GPHN: variants seen among roughly 807,000 people sequenced by gnomAD.
GPHN encodes the protein gephyrin.
A neutral mutation model predicts 95.5 loss-of-function variants in GPHN; 17 were observed. The observed-to-expected ratio is 0.18, with a 90% confidence interval of 0.12 to 0.27. GPHN has a LOEUF of 0.27. Among genes scored for constraint, GPHN ranks in the 10% least tolerant of loss-of-function variants. The pLI, the probability that GPHN is intolerant of heterozygous loss-of-function variation, is 1.00. For missense variants in GPHN, 660 were observed against 978.1 expected, an observed-to-expected ratio of 0.67 and a Z score of 4.34; for synonymous variants, 320 against 322.5, an observed-to-expected ratio of 0.99 and a Z score of 0.08.
At chr14:67,608,884 T>C in the GPHN span, among the ~76,000 whole-genome samples, 4 of 152,186 alleles carry the variant, frequency 2.6e-5, no homozygotes, top group African/African-American at 9.7e-5. Flanking sequence ...AGTTTGATTC[T>C]CCTGTTGTTT....
intron 2 of GPHN, among the ~76,000 whole-genome samples, chr14:66,773,324 A>G (rs2059251159): frequency 6.6e-6 from 1 of 151,320 alleles, no homozygotes; most frequent in African/African-American, 2.4e-5. Flanking sequence ...TTTCTAACAA[A>G]TCTTAGGAAT....
the GPHN span, among the ~76,000 whole-genome samples, chr14:67,372,690 T>C: frequency 6.6e-6 from 1 of 151,932 alleles, no homozygotes; most frequent in Non-Finnish European, 1.5e-5. Context: ...TTAGCGGGCA[T>C]AGTGGTGCGT....
the GPHN span, among the ~76,000 whole-genome samples, chr14:67,196,256 G>A: frequency 1.4e-5 from 2 of 139,728 alleles, no homozygotes; most frequent in Admixed American, 7.4e-5. Flanking sequence ...TGCTCTTGTC[G>A]CCCAGCCTGC....
chr14:67,156,416 G>T (rs1334217028), intron 18 of GPHN, among the ~76,000 whole-genome samples: 1 of 152,068 alleles, frequency 6.6e-6, no homozygotes, highest in African/African-American at 2.4e-5. Context: ...TATGTTTTAA[G>T]GTTCTTGTAT....
intron 17 of GPHN, among the ~76,000 whole-genome samples, chr14:67,123,363 A>T (rs902431610): frequency 6.6e-6 from 1 of 152,220 alleles, no homozygotes; most frequent in South Asian, 2.1e-4. Context: ...TTAGGCTCAC[A>T]CTGGACATAG....
At chr14:67,607,197 TATATAACTCTTAATTAAG>T in the GPHN span, among the ~76,000 whole-genome samples, 1 of 152,152 alleles carries the variant, frequency 6.6e-6, no homozygotes, top group Admixed American at 6.5e-5. Context: ...CTTGAGTAAG[TATATAACTCTTAATTAAG>T]ATATAACTCT....
At chr14:67,632,883 T>G in the GPHN span, among the ~76,000 whole-genome samples, 5 of 132,556 alleles carry the variant, frequency 3.8e-5, no homozygotes, top group African/African-American at 1.4e-4. Context: ...TGCAGTGGCG[T>G]GATCTCGGCT....
intron 1 of GPHN, among the ~76,000 whole-genome samples, chr14:66,556,606 T>A (rs2060015706): frequency 6.6e-6 from 1 of 152,188 alleles, no homozygotes; most frequent in Non-Finnish European, 1.5e-5. Flanking sequence ...CTATTTATAT[T>A]CACATCAGTG....
At chr14:67,403,573 T>C in the GPHN span, among the ~76,000 whole-genome samples, 2 of 152,108 alleles carry the variant, frequency 1.3e-5, no homozygotes, top group Non-Finnish European at 2.9e-5. Flanking sequence ...GTCACTAAAG[T>C]GGAATGTGTT....
At chr14:67,675,434 G>A in the GPHN span, among the ~76,000 whole-genome samples, 1 of 151,880 alleles carries the variant, frequency 6.6e-6, no homozygotes, top group African/African-American at 2.4e-5. Flanking sequence ...TCCAGCTTTG[G>A]GAGACCTTGC....
At chr14:66,598,366 TTA>T (rs2062071934) in intron 1 of GPHN, among the ~76,000 whole-genome samples, 2 of 148,364 alleles carry the variant, frequency 1.3e-5, no homozygotes, top group Non-Finnish European at 1.5e-5. Flanking sequence ...GCATCATGTT[TTA>T]TATTATAAAT....
the GPHN span, among the ~76,000 whole-genome samples, chr14:67,268,567 G>T: frequency 6.6e-6 from 1 of 152,190 alleles, no homozygotes; most frequent in Non-Finnish European, 1.5e-5. Context: ...GCAGAACTGA[G>T]GGTTCCTCCC....
intron 3 of GPHN, among the ~76,000 whole-genome samples, chr14:66,814,058 G>T (rs555302984): frequency 6.6e-6 from 1 of 152,252 alleles, no homozygotes; most frequent in South Asian, 2.1e-4. Context: ...GGTGGCTTTT[G>T]CTTTACTTGC....
chr14:66,518,720 A>G (rs1350235124), intron 1 of GPHN, among the ~76,000 whole-genome samples: 2 of 152,184 alleles, frequency 1.3e-5, no homozygotes, highest in Admixed American at 1.3e-4. Flanking sequence ...ATTAAGTGAA[A>G]TAAGCCAGGA....
chr14:67,229,633 G>A, the GPHN span, among the ~76,000 whole-genome samples: 10 of 151,996 alleles, frequency 6.6e-5, no homozygotes, highest in African/African-American at 1.4e-4. Context: ...TAAAATATAC[G>A]CCAGATTTGG....
chr14:67,420,569 C>T, the GPHN span, among the ~76,000 whole-genome samples: 5 of 152,196 alleles, frequency 3.3e-5, no homozygotes, highest in Non-Finnish European at 7.4e-5. Context: ...TTCTAAAGGC[C>T]CTAAATCTCA....
At chr14:66,772,446 G>T (rs1003605511) in intron 2 of GPHN, among the ~76,000 whole-genome samples, 1 of 152,216 alleles carries the variant, frequency 6.6e-6, no homozygotes, top group African/African-American at 2.4e-5. Context: ...TGACATTGCA[G>T]ATGACCTTAA....
At chr14:67,217,306 G>A in the GPHN span, among the ~76,000 whole-genome samples, 1 of 151,994 alleles carries the variant, frequency 6.6e-6, no homozygotes, top group Non-Finnish European at 1.5e-5. Flanking sequence ...CTTTACAGGT[G>A]AAGTAAGTTT....
chr14:66,968,067 T>C lies in GPHN; in HGVS notation c.963+2742T>C, dbSNP rs144252505. On this transcript the variant is annotated intron_variant, in intron 9 of 22. Transcript: ENST00000478722. ...TTTTATTTAAAATAATGAATCTTTT[T>C]GCCTTTCCCCACTGAGTCAAATATC... 6.6e-3 allele frequency among the ~76,000 whole-genome samples: 1,001 copies of C among 152,104 alleles called. 7 individuals carry two copies. The highest frequency in any genetic ancestry group is 8.1e-3 in the Non-Finnish European group (552 of 67,886).
Sources: gnomAD v4.1 joint callset for allele counts (sites outside exome capture counted in the v4.1 genomes callset) on GRCh38, gnomAD v4.1.1 for gene constraint, MANE v1.5 for transcripts, NCBI Gene and HGNC (gene_info 2026-07-23, HGNC 2026-07-21) for gene names.